INTS8: variants seen among roughly 807,000 people sequenced by gnomAD.
INTS8 encodes protein kaonashi-1.
A neutral mutation model predicts 138.9 loss-of-function variants in INTS8; 47 were observed. The observed-to-expected ratio is 0.34, with a 90% CI of 0.27 to 0.43. INTS8 has a LOEUF of 0.43. Ranked by LOEUF, INTS8 falls within the 20% of genes least tolerant of loss-of-function variation. The pLI is 1.00. For missense variants in INTS8, 996 were observed against 1,173.0 expected, an observed-to-expected ratio of 0.85 and a Z score of 2.20; for synonymous variants, 392 against 400.9, an observed-to-expected ratio of 0.98 and a Z score of 0.27.
At chr8:94,853,156 A>G (rs541725291) in intron 13 of INTS8, among the ~76,000 whole-genome samples, 38 of 152,206 alleles carry the variant, frequency 2.5e-4, no homozygotes, top group African/African-American at 9.1e-4. Flanking sequence ...TACTAAAAAT[A>G]TAAAAATTAG....
intron 6 of INTS8, among the ~76,000 whole-genome samples, chr8:94,833,700 A>G (rs1814811524): frequency 6.6e-6 from 1 of 152,210 alleles, no homozygotes; most frequent in Admixed American, 6.5e-5. Flanking sequence ...ATGTTCTTTT[A>G]CTTACATAGC....
At chr8:94,849,438 A>G (rs201037040) in intron 10 of INTS8, 24 bp from the exon 11 acceptor site, 2 of 1,232,474 alleles carry the variant, frequency 1.6e-6, no homozygotes, top group East Asian at 2.4e-5. Context: ...CCCATATTCA[A>G]ATGAAAATTA....
chr8:94,833,346 A>G (rs1438153791), intron 6 of INTS8, among the ~76,000 whole-genome samples: 1 of 151,896 alleles, frequency 6.6e-6, no homozygotes, highest in Non-Finnish European at 1.5e-5. Flanking sequence ...TTAATGAAGT[A>G]TTGATACTTG....
chr8:94,869,051 C>T (rs915873659), intron 20 of INTS8, among the ~76,000 whole-genome samples: 4 of 149,206 alleles, frequency 2.7e-5, no homozygotes, highest in Admixed American at 6.8e-5. Context: ...GGCGCAATCT[C>T]GGCTCTCCAC....
At chr8:94,841,213 A>G (rs1378372498) in intron 8 of INTS8, among the ~76,000 whole-genome samples, 2 of 151,980 alleles carry the variant, frequency 1.3e-5, no homozygotes, top group Non-Finnish European at 2.9e-5. Flanking sequence ...GCCTGGCCTA[A>G]AATTTTTTTC....
intron 15 of INTS8, 73 bp downstream of exon 15, chr8:94,857,051 G>A: frequency 1.2e-6 from 1 of 841,698 alleles, no homozygotes; most frequent in Non-Finnish European, 1.9e-6. Context: ...TTTAAAAGCA[G>A]ATTTATTTGA....
chr8:94,844,315 A>G (rs919234054), intron 10 of INTS8, among the ~76,000 whole-genome samples: 1 of 151,512 alleles, frequency 6.6e-6, no homozygotes, highest in East Asian at 1.9e-4. Context: ...ATAGGATTAC[A>G]GGTGTGAGCC....
Position 94,856,968 on chromosome 8 carries a change from G to A in INTS8, c.1944G>A (p.Met648Ile), listed in dbSNP as rs1563659997. 6.2e-6 allele frequency: 10 copies of A among 1,613,660 alleles called. No individual in the cohort carries two copies. The highest frequency in any genetic ancestry group is 8.5e-6 in the Non-Finnish European group (10 of 1,179,678). The stretch of plus-strand genomic sequence containing the variant: ...GTAGAGTACGAGGCTATCTGGAAAT[G>A]AGGCTTCCTGGTAAGACTGGTTCAC... ...LISRVRGYLE[M>I]RLPDIPLRQV... The change falls in exon 15 of 27, where the codon ATG becomes ATA. Residue 648 changes from methionine (M) to isoleucine (I), a missense_variant. By Grantham distance (10) the Met-to-Ile change is conservative (BLOSUM62 1). Coordinates refer to ENST00000523731, the MANE Select transcript of INTS8 (RefSeq NM_017864.4).
chr8:94,851,507 G>C (rs368141814), intron 12 of INTS8, 46 bp from the exon 13 acceptor site: 4 of 1,309,310 alleles, frequency 3.1e-6, no homozygotes, highest in Admixed American at 2.5e-5. Context: ...TGTTATTCTC[G>C]TGTATATCTT....
intron 9 of INTS8, 113 bp downstream of exon 9, chr8:94,841,704 T>G: frequency 1.6e-6 from 1 of 635,512 alleles, no homozygotes; most frequent in South Asian, 2.0e-5. Flanking sequence ...TATTTTCATG[T>G]TGTTAATATA....
chr8:94,832,495 G>C (rs2130999604), intron 6 of INTS8, among the ~76,000 whole-genome samples: 1 of 152,228 alleles, frequency 6.6e-6, no homozygotes, highest in Admixed American at 6.5e-5. Flanking sequence ...ACCAAAAGAA[G>C]ATAAAAACTA....
At position 94,823,494 on chromosome 8, in the gene INTS8, G is replaced by T; in HGVS notation, c.63G>T (p.Gln21His). 1 of 1,558,542 alleles carries T rather than the reference G, an allele frequency of 6.4e-7. No homozygotes were observed. The highest frequency in any genetic ancestry group is 8.7e-7 in the Non-Finnish European group (1 of 1,151,750). Residue 21 changes from glutamine to histidine, a missense_variant, in exon 1 of 27, where the codon CAG becomes CAT. Transcript: ENST00000523731. ...CCAGCCGGCCCTGCACCCCGCCGCA[G>T]ACCTGCTGGTTTGAGTTTCTGCTGG... The part of the protein sequence containing the change: ...ATSSRPCTPP[Q>H]TCWFEFLLEE...
chr8:94,872,138 A>G, intron 21 of INTS8, 136 bp downstream of exon 21: 2 of 569,992 alleles, frequency 3.5e-6, no homozygotes, highest in East Asian at 3.0e-5. Flanking sequence ...TAAAGCAGTA[A>G]AAGTATTTGT....
intron 10 of INTS8, among the ~76,000 whole-genome samples, chr8:94,847,079 C>T (rs531463699): frequency 3.7e-4 from 56 of 152,114 alleles, no homozygotes; most frequent in African/African-American, 1.1e-3. Context: ...CTTACTGTGT[C>T]GGCCAAACTG....
At chr8:94,864,061 T>G (rs1463232021) in intron 16 of INTS8, among the ~76,000 whole-genome samples, 10 of 152,224 alleles carry the variant, frequency 6.6e-5, no homozygotes, top group Non-Finnish European at 1.5e-5. Context: ...TATTTAGGGA[T>G]GAAATATTGT....
rs1345900449 is a variant in INTS8 at position 94,826,199 on chromosome 8, A to G, written c.306-1064A>G. Among the ~76,000 whole-genome samples the G allele has an allele frequency of 3.9e-5, 6 of 152,262 alleles. No homozygotes were observed. In the East Asian group the frequency reaches 1.2e-3, roughly 29 times the overall value. On this transcript the variant is annotated intron_variant, in intron 2 of 26. Transcript: ENST00000523731. ...TGAATATTGCTGGATTGCATTCCAA[A>G]AGAGTTTATATTCTCACCAGTAGTA... is the stretch of plus-strand genomic sequence containing the variant.
At position 94,865,494 on chromosome 8, in the gene INTS8, T is replaced by C. The variant is rs2131059613; in HGVS notation, c.2077-12T>C. On this transcript the variant is annotated splice_polypyrimidine_tract_variant and intron_variant, in intron 16 of 26. Coordinates refer to ENST00000523731, the MANE Select transcript of INTS8 (RefSeq NM_017864.4). Reference sequence around the variant, plus strand: ...AGATTATCTTTTGTGTATTTTGTTTTTCATGTTATAGCTTGGACAGCTTTT... The same window carrying C: ...AGATTATCTTTTGTGTATTTTGTTTCTCATGTTATAGCTTGGACAGCTTTT... 1.2e-6 allele frequency: 2 copies of C among 1,606,034 alleles called. No homozygotes were observed. The highest frequency in any genetic ancestry group is 4.5e-5 in the East Asian group (2 of 44,726).
rs1451754014 is a variant in INTS8 at position 94,832,155 on chromosome 8, C to G, written c.734C>G (p.Thr245Ser). 6.2e-7 allele frequency: 1 copy of G among 1,611,958 alleles called. No individual in the cohort carries two copies. Among genetic ancestry groups the G allele is most frequent in the South Asian group, 1.1e-5 (1 of 90,440 alleles). ...TCTACTGCTGGATTGAAAGTCAAAACCGAAGAAATGCAGTGCCAGGTATTC... is the reference window on the plus strand; with the variant it reads ...TCTACTGCTGGATTGAAAGTCAAAAGCGAAGAAATGCAGTGCCAGGTATTC... ...ESSTAGLKVKTEEMQCQVCYD... is the reference protein window; with the variant it reads ...ESSTAGLKVKSEEMQCQVCYD... The change falls in exon 6 of 27, where the codon ACC becomes AGC. Residue 245 changes from threonine (T) to serine (S), a missense_variant. Thr to Ser is a moderately conservative substitution (Grantham distance 58, BLOSUM62 1). Transcript: ENST00000523731.
chr8:94,873,951 C>A (rs546494194), intron 22 of INTS8, among the ~76,000 whole-genome samples: 1 of 151,524 alleles, frequency 6.6e-6, no homozygotes, highest in Non-Finnish European at 1.5e-5. Flanking sequence ...TTCCTAATTT[C>A]TTTGGTATAT....
Sources: allele counts gnomAD v4.1 joint callset (sites outside exome capture counted in the v4.1 genomes callset), GRCh38; gene constraint gnomAD v4.1.1; transcripts MANE v1.5; gene names NCBI Gene and HGNC (gene_info 2026-07-23, HGNC 2026-07-21).